The following CEMIP variants were observed in gnomAD, a reference collection of about 807,000 sequenced individuals.
CEMIP encodes the protein cell migration inducing hyaluronidase 1, also known as cell migration-inducing and hyaluronan-binding protein.
A neutral mutation model predicts 156.9 loss-of-function variants in CEMIP; 105 were observed. That is an observed-to-expected ratio of 0.67 (90% CI 0.57 to 0.79). The LOEUF is 0.79. CEMIP is among the 30% of genes least tolerant of loss of function. CEMIP has a pLI of 0.00. For synonymous variants in CEMIP, 676 were observed against 668.4 expected, an observed-to-expected ratio of 1.01 and a Z score of -0.17; for missense variants, 1,457 against 1,769.4, an observed-to-expected ratio of 0.82 and a Z score of 3.17.
intron 1 of CEMIP, among the ~76,000 whole-genome samples, chr15:80,800,447 G>A (rs1378516466): frequency 6.6e-6 from 1 of 152,200 alleles, no homozygotes; most frequent in African/African-American, 2.4e-5. Flanking sequence ...GCTGAATGTG[G>A]CTGGCTTTTC....
rs1163609449 is a variant in CEMIP at position 80,909,230 on chromosome 15, C to A, written c.1721C>A (p.Pro574His). The A allele has an allele frequency of 3.1e-6, 5 of 1,613,904 alleles. No homozygotes were observed. The Admixed American group carries it at 8.3e-5, about 27-fold the overall frequency. Residue 574 changes from proline to histidine, a missense_variant, in exon 14 of 30, where the codon CCC (proline) becomes CAC (histidine). By Grantham distance (77) the Pro-to-His change is moderately conservative. Transcript: ENST00000394685. ...GACGAAAGGGGAGGTTATGACCCACCCACATACATCAGGGACCTCTCCATC... is the reference window on the plus strand; with the variant it reads ...GACGAAAGGGGAGGTTATGACCCACACACATACATCAGGGACCTCTCCATC... ...DVDERGGYDP[P>H]TYIRDLSIHH...
At chr15:80,831,285 G>A (rs1897151735) in intron 1 of CEMIP, among the ~76,000 whole-genome samples, 1 of 152,176 alleles carries the variant, frequency 6.6e-6, no homozygotes, top group African/African-American at 2.4e-5. Flanking sequence ...GGTATCGTGG[G>A]AGAGGCTCAG....
Position 80,937,826 on chromosome 15 carries a change from C to G in CEMIP, c.3254C>G (p.Pro1085Arg). 1 of 1,614,210 alleles carries G rather than the reference C, an allele frequency of 6.2e-7. No individual in the cohort carries two copies. The highest frequency in any genetic ancestry group is 1.1e-5 in the South Asian group (1 of 91,084). ...TGGATCCGAGTGGGGCTCTGCTACCCGCGAGGCACCACATTCTCCATCCTC... is the reference window on the plus strand; with the variant it reads ...TGGATCCGAGTGGGGCTCTGCTACCGGCGAGGCACCACATTCTCCATCCTC... ...GDWIRVGLCY[P>R]RGTTFSILSD... The change falls in exon 25 of 30, where the codon CCG becomes CGG. Residue 1085 changes from proline (P) to arginine (R), a missense_variant. Around this residue, in one of 5 missense-constraint regions of CEMIP, gnomAD observed 798 missense variants for 980.1 expected, o/e 0.81. Transcript: ENST00000394685.
chr15:80,938,651 C>A (rs1158280570), intron 25 of CEMIP, among the ~76,000 whole-genome samples: 3 of 152,188 alleles, frequency 2.0e-5, no homozygotes, highest in Non-Finnish European at 2.9e-5. Context: ...GAGATCATAG[C>A]ATAAAGCTGA....
chr15:80,911,055 C>G (rs1269496083), intron 14 of CEMIP, among the ~76,000 whole-genome samples: 1 of 152,126 alleles, frequency 6.6e-6, no homozygotes, highest in East Asian at 1.9e-4. Context: ...TGATCTTGGG[C>G]CAGTCATTTT....
At chr15:80,870,625 G>A (rs1356766047) in intron 1 of CEMIP, among the ~76,000 whole-genome samples, 1 of 152,110 alleles carries the variant, frequency 6.6e-6, no homozygotes, top group Non-Finnish European at 1.5e-5. Context: ...TGGCAGTGAG[G>A]AGAAGCAGAG....
intron 1 of CEMIP, among the ~76,000 whole-genome samples, chr15:80,832,322 C>CTCTGTGTGTGTGTGTGTGTGTGTGTG (rs1555429057): frequency 1.6e-4 from 20 of 127,990 alleles, no homozygotes; most frequent in South Asian, 2.8e-4. Flanking sequence ...AAAATAAACT[C>CTCTGTGTGTGTGTGTGTGTGTGTGTG]TGTGTGTGTG....
rs1901821158 is a variant in CEMIP, at chr15:80,951,427, G to T, written c.*2503G>T. 6.6e-6 allele frequency: 1 copy of T among 152,520 alleles called. No individual in the cohort carries two copies. The highest frequency in any genetic ancestry group is 1.5e-5 in the Non-Finnish European group (1 of 68,022). The allele number at this position is 152,520 out of a possible 1,614,324, so 9.4% of individuals were successfully genotyped here. ...ATTGTCCTCCTTGTTATTTCTGTTT[G>T]TAAGACTTAAGTGAGTTAGGTCTTT... On this transcript the variant is annotated 3_prime_UTR_variant, in exon 30 of 30. Coordinates refer to ENST00000394685, the MANE Select transcript of CEMIP (RefSeq NM_001293298.2).
At chr15:80,812,000 TTTG>T (rs1363964358) in intron 1 of CEMIP, among the ~76,000 whole-genome samples, 3 of 151,570 alleles carry the variant, frequency 2.0e-5, no homozygotes, top group African/African-American at 7.3e-5. Context: ...CACGTCCCGG[TTTG>T]TTGTTGTTTT....
At chr15:80,931,250 A>ATTATTT (rs1567107408) in intron 21 of CEMIP, among the ~76,000 whole-genome samples, 7 of 152,208 alleles carry the variant, frequency 4.6e-5, no homozygotes. Context: ...TTGCCTTACA[A>ATTATTT]TTATTTTTAT....
At chr15:80,924,445 G>C (rs1403500441) in intron 17 of CEMIP, among the ~76,000 whole-genome samples, 176 bp from the exon 18 acceptor site, 2 of 152,190 alleles carry the variant, frequency 1.3e-5, no homozygotes, top group Admixed American at 1.3e-4. Context: ...GAGCAATGCA[G>C]AATAAGGCAG....
chr15:80,813,433 CCT>C (rs35615387), intron 1 of CEMIP, among the ~76,000 whole-genome samples: 65,801 of 150,438 alleles, frequency 0.44, 14,627 homozygotes, highest in Non-Finnish European at 0.49. Flanking sequence ...CACTGCAACC[CCT>C]GTCTCCTGGG....
chr15:80,886,856 T>G (rs1344226949), intron 7 of CEMIP, among the ~76,000 whole-genome samples: 1 of 152,204 alleles, frequency 6.6e-6, no homozygotes, highest in Non-Finnish European at 1.5e-5. Flanking sequence ...GGCTTCCTTC[T>G]GTGTTTGGGG....
intron 1 of CEMIP, among the ~76,000 whole-genome samples, chr15:80,851,354 C>T (rs958135967): frequency 6.6e-6 from 1 of 152,174 alleles, no homozygotes; most frequent in Non-Finnish European, 1.5e-5. Context: ...TTCATTGATC[C>T]GTTGAGCATT....
At chr15:80,800,408 T>A (rs554392483) in intron 1 of CEMIP, among the ~76,000 whole-genome samples, 2 of 152,302 alleles carry the variant, frequency 1.3e-5, no homozygotes, top group Admixed American at 1.3e-4. Context: ...CTGCTACCTT[T>A]GCGGAATGAA....
chr15:80,830,074 T>C (rs1387719459), intron 1 of CEMIP, among the ~76,000 whole-genome samples: 3 of 151,740 alleles, frequency 2.0e-5, no homozygotes, highest in Non-Finnish European at 2.9e-5. Flanking sequence ...CCAGTTTTTA[T>C]GTTATAAGGG....
chr15:80,799,106 T>G (rs1455632974), intron 1 of CEMIP, among the ~76,000 whole-genome samples: 1 of 152,254 alleles, frequency 6.6e-6, no homozygotes, highest in East Asian at 1.9e-4. Flanking sequence ...ACAGTGGGAA[T>G]TCAGCCAGAC....
intron 11 of CEMIP, 63 bp downstream of exon 11, chr15:80,895,185 A>G (rs1032276348): frequency 6.2e-7 from 1 of 1,609,406 alleles, no homozygotes; most frequent in Non-Finnish European, 8.5e-7. Flanking sequence ...ACTGGCAGCT[A>G]TGCAGGCAAC....
chr15:80,810,970 T>G (rs1896658885), intron 1 of CEMIP, among the ~76,000 whole-genome samples: 1 of 152,162 alleles, frequency 6.6e-6, no homozygotes, highest in South Asian at 2.1e-4. Flanking sequence ...CATTTGCCTG[T>G]CTATTTACCA....
Sources: gnomAD v4.1 joint callset for allele counts (sites outside exome capture counted in the v4.1 genomes callset) on GRCh38, gnomAD v4.1.1 for gene constraint, gnomAD v4.1.1 regional missense constraint, MANE v1.5 for transcripts, NCBI Gene and HGNC (gene_info 2026-07-23, HGNC 2026-07-21) for gene names.